The following PACSIN2 variants were observed in gnomAD, a reference collection of about 807,000 sequenced individuals.
The protein encoded by PACSIN2 is protein kinase C and casein kinase substrate in neurons protein 2.
PACSIN2 carries 25 observed loss-of-function variants against 63.8 expected under a neutral mutation model. The ratio of observed to expected loss-of-function variants is 0.39; its 90% CI spans 0.29 to 0.55. The LOEUF (loss-of-function observed/expected upper bound fraction) is 0.55. PACSIN2 is among the 20% of genes least tolerant of loss of function. The pLI is 0.62. For missense variants in PACSIN2, 518 were observed against 646.9 expected (o/e 0.80, Z 2.16); for synonymous variants, 255 against 256.2 (o/e 1.00, Z 0.05).
intron 1 of PACSIN2, among the ~76,000 whole-genome samples, chr22:42,987,491 CACCCAT>C (rs747526522): frequency 0.019 from 2,117 of 111,354 alleles, 33 homozygotes; most frequent in Middle Eastern, 0.057. Flanking sequence ...CACACACACA[CACCCAT>C]GGCACCATGT....
intron 8 of PACSIN2, among the ~76,000 whole-genome samples, chr22:42,878,502 C>T (rs553651459): frequency 6.6e-6 from 1 of 152,338 alleles, no homozygotes; most frequent in East Asian, 1.9e-4. Context: ...ACCACAGTGC[C>T]ACCCTTATAT....
intron 7 of PACSIN2, 136 bp downstream of exon 7, chr22:42,882,048 G>C (rs746125251): frequency 1.2e-5 from 12 of 1,027,682 alleles, no homozygotes; most frequent in Non-Finnish European, 1.8e-5. Flanking sequence ...CTGTACTATA[G>C]CTATGCCTAA....
chr22:42,924,655 C>A (rs1240532990), intron 1 of PACSIN2, among the ~76,000 whole-genome samples: 1 of 152,174 alleles, frequency 6.6e-6, no homozygotes, highest in Admixed American at 6.5e-5. Context: ...CTCCGCTGGT[C>A]TGGGCACTGC....
intron 1 of PACSIN2, among the ~76,000 whole-genome samples, chr22:42,980,113 A>G (rs1430546799): frequency 6.6e-6 from 1 of 152,246 alleles, no homozygotes; most frequent in East Asian, 1.9e-4. Context: ...TAACTAAATT[A>G]TAGGTATGGC....
rs1018918689 is a variant in PACSIN2 at position 42,879,092 on chromosome 22, G to A, written c.984C>T (p.Gly328=). ...GAGACTGGTCGCCTGTCTGGTTGAT[G>A]CCCGTCAGGGTGACGCCGTCAGTGG... The part of the protein sequence containing the change: ...KKATDGVTLT[G]INQTGDQSLP... The change falls in exon 8 of 11, where the codon GGC becomes GGT. Residue 328 remains glycine, a synonymous_variant. Transcript: ENST00000263246. 3 of 1,614,054 alleles carry A rather than the reference G, an allele frequency of 1.9e-6. No individual in the cohort carries two copies. The highest frequency in any genetic ancestry group is 1.7e-5 in the Admixed American group (1 of 60,002).
chr22:42,878,432 C>T (rs1157501331), intron 8 of PACSIN2, among the ~76,000 whole-genome samples: 3 of 152,192 alleles, frequency 2.0e-5, no homozygotes, highest in Non-Finnish European at 4.4e-5. Flanking sequence ...ACATGGAGGC[C>T]TGTGGGCAGG....
At chr22:42,985,595 G>A (rs1306318503) in intron 1 of PACSIN2, among the ~76,000 whole-genome samples, 2 of 152,100 alleles carry the variant, frequency 1.3e-5, no homozygotes, top group African/African-American at 4.8e-5. Flanking sequence ...GGACCCACCT[G>A]GTTTTGAAAC....
rs1282744132 is a variant in PACSIN2 at position 42,942,645 on chromosome 22, C to T, written c.-77-30488G>A. ...GCAAGCAGATATCCAGTTGTCCCAG[C>T]GTCACTTGTTGAAAAGATTTTTCTT... On this transcript the variant is annotated intron_variant, in intron 1 of 10. Coordinates refer to ENST00000263246, the MANE Select transcript of PACSIN2 (RefSeq NM_001184970.3). Among the ~76,000 whole-genome samples, 13 of 152,288 alleles carry T rather than the reference C, an allele frequency of 8.5e-5. No individual in the cohort carries two copies. In the East Asian group the frequency reaches 2.3e-3, roughly 27 times the overall value.
intron 1 of PACSIN2, among the ~76,000 whole-genome samples, chr22:43,011,910 G>T (rs1019479591): frequency 2.0e-5 from 3 of 151,844 alleles, no homozygotes; most frequent in Non-Finnish European, 2.9e-5. Context: ...ACTTTGGGAG[G>T]CCAAGGCAGG....
chr22:42,903,803 C>A lies in PACSIN2; in HGVS notation c.60+8218G>T, dbSNP rs150375214. Among the ~76,000 whole-genome samples, 655 of 152,294 alleles carry A rather than the reference C, an allele frequency of 4.3e-3. 8 individuals carry two copies. Among genetic ancestry groups the A allele is most frequent in the African/African-American group, 0.015 (637 of 41,554 alleles). On this transcript the variant is annotated intron_variant, in intron 2 of 10. Coordinates refer to ENST00000263246, the MANE Select transcript of PACSIN2 (RefSeq NM_001184970.3). ...GATTCTGACCCAGCACTAGTCCTGT[C>A]CTTTCCTCGGGGCCTCAATTCTGTC... is the stretch of plus-strand genomic sequence containing the variant.
chr22:42,885,981 C>T (rs927019251), intron 5 of PACSIN2, among the ~76,000 whole-genome samples: 6 of 152,224 alleles, frequency 3.9e-5, no homozygotes, highest in African/African-American at 1.4e-4. Context: ...AAGCCCAAGA[C>T]ACATAGCTGT....
intron 1 of PACSIN2, among the ~76,000 whole-genome samples, chr22:43,013,338 G>A (rs1318442430): frequency 6.6e-6 from 1 of 152,146 alleles, no homozygotes; most frequent in Admixed American, 6.5e-5. Context: ...TAAGTCTATT[G>A]TCAAAAGAAA....
intron 1 of PACSIN2, among the ~76,000 whole-genome samples, chr22:42,978,058 G>A (rs1477295911): frequency 6.6e-6 from 1 of 152,204 alleles, no homozygotes; most frequent in Non-Finnish European, 1.5e-5. Flanking sequence ...GACCTGGAGA[G>A]AGATCCAGAG....
At chr22:42,913,433 C>CGT (rs1931591904) in intron 1 of PACSIN2, among the ~76,000 whole-genome samples, 1 of 143,732 alleles carries the variant, frequency 7.0e-6, no homozygotes, top group Non-Finnish European at 1.5e-5. Flanking sequence ...CAGCCAAGAT[C>CGT]GTGCCATTGC....
intron 1 of PACSIN2, among the ~76,000 whole-genome samples, chr22:42,936,060 C>A (rs1236635343): frequency 6.6e-6 from 1 of 151,838 alleles, no homozygotes; most frequent in East Asian, 1.9e-4. Context: ...AAAAAAAATA[C>A]AAAAAATTAG....
chr22:42,920,151 G>GA (rs1179541367), intron 1 of PACSIN2, among the ~76,000 whole-genome samples: 2 of 151,774 alleles, frequency 1.3e-5, no homozygotes, highest in Non-Finnish European at 2.9e-5. Flanking sequence ...ATCTAAAAAA[G>GA]AAAAAAAGAA....
intron 2 of PACSIN2, among the ~76,000 whole-genome samples, chr22:42,905,140 G>A (rs559440528): frequency 6.6e-6 from 1 of 152,306 alleles, no homozygotes; most frequent in Admixed American, 6.5e-5. Context: ...CAGAAGACAA[G>A]CTTCTTGACA....
At chr22:42,932,615 A>T (rs1932804412) in intron 1 of PACSIN2, among the ~76,000 whole-genome samples, 2 of 152,202 alleles carry the variant, frequency 1.3e-5, no homozygotes, top group Admixed American at 1.3e-4. Context: ...TATCAATTTT[A>T]CTCACGAAGA....
chr22:42,922,311 C>G (rs1932247102), intron 1 of PACSIN2, among the ~76,000 whole-genome samples: 1 of 152,214 alleles, frequency 6.6e-6, no homozygotes, highest in Admixed American at 6.5e-5. Context: ...ACAAGGACAT[C>G]CAGCTCCCCC....
Sources: gnomAD v4.1 joint callset for allele counts (sites outside exome capture counted in the v4.1 genomes callset) on GRCh38, gnomAD v4.1.1 for gene constraint, MANE v1.5 for transcripts, NCBI Gene and HGNC (gene_info 2026-07-23, HGNC 2026-07-21) for gene names.